LRRC71: variants seen among roughly 807,000 people sequenced by gnomAD.
LRRC71 encodes leucine rich repeat containing 71, also known as leucine-rich repeat-containing protein 71.
A neutral mutation model predicts 66.6 loss-of-function variants in LRRC71; 54 were observed. That is an observed-to-expected ratio of 0.81 (90% CI 0.65 to 1.02). The LOEUF is 1.02. Ranked by LOEUF, LRRC71 falls within the 50% of genes least tolerant of loss-of-function variation. The probability of loss-of-function intolerance (pLI) is 0.00; values close to 1 mark genes in which losing one functional copy is unlikely to be tolerated. For synonymous variants in LRRC71, 323 were observed against 303.9 expected (o/e 1.06, Z -0.65); for missense variants, 724 against 718.0 (o/e 1.01, Z -0.10).
At chr1:156,937,155 A>C, downstream of LRRC71, 1 of 1,585,474 alleles carries the variant, frequency 6.3e-7, no homozygotes, top group Admixed American at 1.7e-5. Flanking sequence ...GACAGGATCT[A>C]GGGCTCCCGC....
At position 156,927,877 on chromosome 1, in the gene LRRC71, A is replaced by T. The variant is rs1006961142; in HGVS notation, c.907-38A>T. 3 of 1,610,062 alleles carry T rather than the reference A, an allele frequency of 1.9e-6. No homozygotes were observed. In the African/African-American group the frequency reaches 4.0e-5, roughly 22 times the overall value. On this transcript the variant is annotated intron_variant, in intron 8 of 14. Transcript: ENST00000337428. ...CGGGCCGAGGGAGCCGACCCTGACT[A>T]CCCAGGCGTCCGACCGCTGAGCGCC...
the LRRC71 span, chr1:156,940,002 G>T: frequency 6.4e-7 from 1 of 1,550,732 alleles, no homozygotes; most frequent in Non-Finnish European, 8.6e-7. Context: ...CCAAGGTGGT[G>T]ACCTCAGGCA....
downstream of LRRC71, chr1:156,937,357 G>A (rs745439979): frequency 4.3e-6 from 7 of 1,612,338 alleles, no homozygotes; most frequent in South Asian, 6.6e-5. Context: ...TTGGATCATC[G>A]TTGCCTCCCT....
At chr1:156,937,344 G>A (rs764554958), downstream of LRRC71, 48 of 1,613,194 alleles carry the variant, frequency 3.0e-5, no homozygotes, top group Middle Eastern at 1.6e-4. Context: ...CGGCTGGGGC[G>A]TCTTGGATCA....
At chr1:156,931,848 T>A (rs1654415426) in intron 12 of LRRC71, 68 bp from the exon 13 acceptor site, 19 of 1,210,844 alleles carry the variant, frequency 1.6e-5, no homozygotes, top group Non-Finnish European at 2.1e-5. Flanking sequence ...GTTGAATGAA[T>A]GAATGAATGA....
chr1:156,930,046 C>CTTTCTTTCTTTCTTTCTTTCTT lies in LRRC71; in HGVS notation c.1240+332_1240+333insCTTTCTTTTTCTTTCTTTCTTT, dbSNP rs796965127. The stretch of plus-strand genomic sequence containing the variant: ...TTTTCTTTTCTTTTTCTTTCTTTCT[C>CTTTCTTTCTTTCTTTCTTTCTT]TTTCTTTCTTTCTTTTTCTTTCTTT... On this transcript the variant is annotated intron_variant, in intron 11 of 14. Coordinates refer to ENST00000337428, the MANE Select transcript of LRRC71 (RefSeq NM_144702.3). 3.3e-3 allele frequency among the ~76,000 whole-genome samples: 406 copies of CTTTCTTTCTTTCTTTCTTTCTT among 124,896 alleles called. 5 individuals carry two copies. Among genetic ancestry groups the CTTTCTTTCTTTCTTTCTTTCTT allele is most frequent in the East Asian group, 0.019 (69 of 3,688 alleles). 81.9% of individuals were successfully genotyped at this position (124,896 alleles called of 152,430 possible).
downstream of LRRC71, among the ~76,000 whole-genome samples, chr1:156,937,944 C>T (rs796864094): frequency 1.7e-4 from 26 of 152,306 alleles, 1 homozygote; most frequent in African/African-American, 6.3e-4. Flanking sequence ...CTGGAGGTCC[C>T]TTGACCCAAC....
rs753161334 is a variant in LRRC71, at chr1:156,927,674, G to A, written c.822+19G>A. 9 of 1,606,178 alleles carry A rather than the reference G, an allele frequency of 5.6e-6. No homozygotes were observed. The highest frequency in any genetic ancestry group is 6.8e-6 in the Non-Finnish European group (8 of 1,178,484). Reference sequence around the variant, plus strand: ...CGCGGACGTGAGTGCACGGCGGGGAGGGACCTGCTGGGAGCAGGGGCGGCT... The same window carrying A: ...CGCGGACGTGAGTGCACGGCGGGGAAGGACCTGCTGGGAGCAGGGGCGGCT... On this transcript the variant is annotated intron_variant, in intron 7 of 14. Coordinates refer to ENST00000337428, the MANE Select transcript of LRRC71 (RefSeq NM_144702.3).
chr1:156,929,359 T>G lies in LRRC71; in HGVS notation c.1076T>G (p.Val359Gly), dbSNP rs1279049271. The G allele has an allele frequency of 3.1e-6, 5 of 1,613,248 alleles. No homozygotes were observed. The highest frequency in any genetic ancestry group is 4.2e-6 in the Non-Finnish European group (5 of 1,179,716). ...QMVGISNSAL[V>G]DKTDKTQTMK... is the part of the protein sequence containing the mutation. ...GTAGGGATCAGCAATAGTGCATTGG[T>G]GGACAAGACAGACAAGACGCAGACA... The change falls in exon 10 of 15, where the codon GTG becomes GGG. Residue 359 changes from valine (V) to glycine (G), a missense_variant. By Grantham distance (109) the Val-to-Gly change is moderately radical (BLOSUM62 -3). Transcript: ENST00000337428.
chr1:156,928,105 A>T (rs1653524582), intron 9 of LRRC71, 101 bp downstream of exon 9: 1 of 1,107,930 alleles, frequency 9.0e-7, no homozygotes, highest in African/African-American at 1.6e-5. Flanking sequence ...ATCCAGTTTA[A>T]TCTCCACCCT....
intron 12 of LRRC71, among the ~76,000 whole-genome samples, chr1:156,931,437 GGAC>G (rs1245150834): frequency 1.3e-5 from 2 of 152,134 alleles, no homozygotes; most frequent in South Asian, 2.1e-4. Context: ...GATTGTACTA[GGAC>G]TACTGCAATT....
chr1:156,924,254 C>T (rs1652843874), intron 2 of LRRC71, among the ~76,000 whole-genome samples, 156 bp downstream of exon 2: 1 of 152,106 alleles, frequency 6.6e-6, no homozygotes, highest in Admixed American at 6.5e-5. Context: ...GGGAGTCTCC[C>T]GTCTTCCTTT....
chr1:156,936,497 A>AAAAATATAT (rs370282821), downstream of LRRC71, among the ~76,000 whole-genome samples: 1 of 33,938 alleles, frequency 2.9e-5, no homozygotes, highest in Non-Finnish European at 4.6e-5. Context: ...AAAAAAAAAA[A>AAAAATATAT]ATATATATAT....
downstream of LRRC71, chr1:156,937,448 G>A (rs774027159): frequency 8.4e-6 from 13 of 1,555,356 alleles, no homozygotes; most frequent in East Asian, 2.3e-5. Flanking sequence ...TGAGTGGTCG[G>A]TGCTTGAGTC....
chr1:156,924,600 G>A, intron 3 of LRRC71, 43 bp from the exon 4 acceptor site: 2 of 1,551,670 alleles, frequency 1.3e-6, no homozygotes, highest in Non-Finnish European at 1.7e-6. Context: ...CGCTCCCCTG[G>A]AGCCTCCCAG....
chr1:156,925,891 T>A (rs574197999), intron 5 of LRRC71, among the ~76,000 whole-genome samples: 1 of 152,338 alleles, frequency 6.6e-6, no homozygotes, highest in African/African-American at 2.4e-5. Flanking sequence ...CCTTCCATCA[T>A]GGGAATTAGC....
chr1:156,929,589 C>T (rs766773892), intron 10 of LRRC71, 47 bp from the exon 11 acceptor site: 5 of 1,546,396 alleles, frequency 3.2e-6, no homozygotes, highest in South Asian at 1.2e-5. Flanking sequence ...CACTGCCCAT[C>T]CCCTCCGGAG....
the LRRC71 span, chr1:156,939,408 C>T: frequency 8.4e-7 from 1 of 1,192,620 alleles, no homozygotes; most frequent in South Asian, 1.4e-5. Flanking sequence ...TCGGCGTTGT[C>T]TCCTTCTTCC....
the LRRC71 span, chr1:156,940,256 G>A: frequency 3.1e-6 from 5 of 1,610,472 alleles, no homozygotes; most frequent in Non-Finnish European, 4.2e-6. Flanking sequence ...GAGGGCCTGG[G>A]AAGGCCAAGT....
Sources: gnomAD v4.1 joint callset for allele counts (sites outside exome capture counted in the v4.1 genomes callset) on GRCh38, gnomAD v4.1.1 for gene constraint, MANE v1.5 for transcripts, NCBI Gene and HGNC (gene_info 2026-07-23, HGNC 2026-07-21) for gene names.